Variants in LARP1 observed in about 807,000 individuals in gnomAD.
The protein encoded by LARP1 is La ribonucleoprotein 1, translational regulator, also known as la-related protein 1.
LARP1 carries 36 observed loss-of-function variants against 122.7 expected under a neutral mutation model. The ratio of observed to expected loss-of-function variants is 0.29; its 90% CI spans 0.22 to 0.39. The LOEUF (loss-of-function observed/expected upper bound fraction) is 0.39. Among genes scored for constraint, LARP1 ranks in the 10% least tolerant of loss-of-function variants. LARP1 has a pLI of 1.00. For missense variants in LARP1, 1,040 were observed against 1,403.6 expected (o/e 0.74, Z 4.14); for synonymous variants, 539 against 528.7 (o/e 1.02, Z -0.27).
In LARP1 at chr5:154,808,504, T is replaced by A; in HGVS notation, c.2744T>A (p.Leu915His). ...GIGQSQEMNT[L>H]FRFWSFFLRD... ...GGCCAGTCTCAGGAGATGAACACAC[T>A]CTTCCGCTTCTGGTCCTTCTTCCTC... Residue 915 changes from leucine to histidine, a missense_variant, in exon 16 of 19, where the codon CTC (leucine) becomes CAC (histidine). Physicochemically the swap from Leu to His is moderately conservative, Grantham distance 99 (BLOSUM62 -3). This residue lies in a region of LARP1 where 59 missense variants were observed against 137.2 expected (regional missense o/e 0.43). Transcript: ENST00000518297. 1 of 1,613,916 alleles carries A rather than the reference T, an allele frequency of 6.2e-7. No individual in the cohort carries two copies. Among genetic ancestry groups the A allele is most frequent in the Non-Finnish European group, 8.5e-7 (1 of 1,179,988 alleles).
At chr5:154,785,817 CCT>C (rs1174282508) in intron 1 of LARP1, among the ~76,000 whole-genome samples, 2 of 152,252 alleles carry the variant, frequency 1.3e-5, no homozygotes, top group East Asian at 3.9e-4. Flanking sequence ...GTTAGTAATT[CCT>C]CTCTGCCCTG....
chr5:154,762,920 C>G, intron 1 of LARP1, among the ~76,000 whole-genome samples: 1 of 152,116 alleles, frequency 6.6e-6, no homozygotes, highest in East Asian at 1.9e-4. Context: ...GGTTTTTGCT[C>G]TGCTTTTCAC....
chr5:154,695,142 C>T (rs1380697264), intron 1 of LARP1, among the ~76,000 whole-genome samples: 2 of 151,986 alleles, frequency 1.3e-5, no homozygotes, highest in Admixed American at 6.6e-5. Flanking sequence ...GGTGAAACCC[C>T]GTCTCTACTA....
chr5:154,753,413 C>T (rs1582284778), upstream of LARP1, among the ~76,000 whole-genome samples: 1 of 152,324 alleles, frequency 6.6e-6, no homozygotes, highest in South Asian at 2.1e-4. Flanking sequence ...AATGACTGCA[C>T]TCCAGCCTGG....
intron 14 of LARP1, chr5:154,805,634 G>C: frequency 2.3e-6 from 1 of 441,636 alleles, no homozygotes; most frequent in Non-Finnish European, 4.0e-6. Context: ...CCATTAAATA[G>C]TCTTATGACC....
rs1011239502 is a variant in LARP1 at position 154,816,593 on chromosome 5, GA to G, written c.*2498del. Reference sequence around the variant, plus strand: ...ACATGTTAGGAGTTAATGTTGCAAAGAGTAGTTTACATCTTCACTTTCTGAA... The same window carrying G: ...ACATGTTAGGAGTTAATGTTGCAAAGGTAGTTTACATCTTCACTTTCTGAA... On this transcript the variant is annotated 3_prime_UTR_variant, in exon 19 of 19. Coordinates refer to ENST00000518297, the MANE Select transcript of LARP1 (RefSeq NM_033551.3). 13 of 152,578 alleles carry G rather than the reference GA, an allele frequency of 8.5e-5. No homozygotes were observed. Among genetic ancestry groups the G allele is most frequent in the African/African-American group, 3.1e-4 (13 of 41,416 alleles). The allele number at this position is 152,578 out of a possible 1,614,324, so 9.5% of individuals were successfully genotyped here. A position where few individuals can be genotyped will look rare whatever the true frequency, so the allele number is the denominator to read the frequency against.
chr5:154,790,417 A>G (rs1318539428), intron 2 of LARP1, 31 bp downstream of exon 2: 1 of 1,601,108 alleles, frequency 6.2e-7, no homozygotes, highest in Admixed American at 1.7e-5. Context: ...ACCCAAGGGG[A>G]CTTTCTGGAG....
chr5:154,803,687 C>T lies in LARP1; in HGVS notation c.2381C>T (p.Ser794Leu), dbSNP rs1330339223. The T allele has an allele frequency of 6.2e-7, 1 of 1,614,206 alleles. No individual in the cohort carries two copies. The highest frequency in any genetic ancestry group is 8.5e-7 in the Non-Finnish European group (1 of 1,180,036). ...CCCCGGACACCACAGCTCAAAGACTCAAGCCAGACATCACGGTTTTACCCA... is the reference window on the plus strand; with the variant it reads ...CCCCGGACACCACAGCTCAAAGACTTAAGCCAGACATCACGGTTTTACCCA... ...RTPRTPQLKD[S>L]SQTSRFYPVV... The change falls in exon 13 of 19, where the codon TCA becomes TTA. Residue 794 changes from serine (S) to leucine (L), a missense_variant. Transcript: ENST00000518297. This position sits in a 1 kb window ranked among gnomAD's most constrained non-coding sequence, Gnocchi z 4.4.
At chr5:154,685,158 C>T (rs1054962968) in intron 1 of LARP1, among the ~76,000 whole-genome samples, 1 of 151,854 alleles carries the variant, frequency 6.6e-6, no homozygotes, top group African/African-American at 2.4e-5. Flanking sequence ...GCAGGAGAAT[C>T]ACTTGAACCC....
intron 1 of LARP1, among the ~76,000 whole-genome samples, chr5:154,695,487 T>A (rs1754427348): frequency 6.6e-6 from 1 of 151,466 alleles, no homozygotes; most frequent in African/African-American, 2.4e-5. Context: ...TGAAACCCCG[T>A]CTCTACTAAA....
At chr5:154,713,396 A>G (rs1455583537) in intron 1 of LARP1, among the ~76,000 whole-genome samples, 1 of 152,220 alleles carries the variant, frequency 6.6e-6, no homozygotes, top group Non-Finnish European at 1.5e-5. Flanking sequence ...CACCTGTTAC[A>G]TAATAATTTG....
intron 1 of LARP1, among the ~76,000 whole-genome samples, chr5:154,771,116 GAAA>G (rs572179099): frequency 9.3e-6 from 1 of 108,022 alleles, no homozygotes; most frequent in African/African-American, 3.2e-5. Context: ...TGTCTCAAAA[GAAA>G]AAAAAAAAAA....
intron 10 of LARP1, 138 bp from the exon 11 acceptor site, chr5:154,801,869 T>C (rs545803490): frequency 1.3e-6 from 1 of 744,168 alleles, no homozygotes; most frequent in African/African-American, 1.8e-5. Flanking sequence ...ATGACGCTTG[T>C]GACCTGCTGG....
intron 1 of LARP1, among the ~76,000 whole-genome samples, chr5:154,715,414 G>GCCA (rs951640061): frequency 1.3e-5 from 2 of 151,536 alleles, no homozygotes; most frequent in Non-Finnish European, 1.5e-5. Flanking sequence ...ACAGGCATGT[G>GCCA]CCACCACGCT....
chr5:154,690,667 A>C (rs6580104), intron 1 of LARP1, among the ~76,000 whole-genome samples: 115,353 of 152,050 alleles, frequency 0.76, 44,247 homozygotes, highest in African/African-American at 0.88. Context: ...GAGGCTTTGT[A>C]CCCCCAGCTG....
At chr5:154,769,312 C>A (rs1372532995) in intron 1 of LARP1, among the ~76,000 whole-genome samples, 1 of 152,166 alleles carries the variant, frequency 6.6e-6, no homozygotes, top group Non-Finnish European at 1.5e-5. Flanking sequence ...TCTTGTAGGC[C>A]CTTGAGTTTG....
rs953114968 is a variant in LARP1, at chr5:154,793,266, G to A, written c.740-329G>A. Among the ~76,000 whole-genome samples the A allele has an allele frequency of 5.3e-5, 8 of 152,176 alleles. No individual in the cohort carries two copies. The East Asian group carries it at 9.7e-4, about 18-fold the overall frequency. On this transcript the variant is annotated intron_variant, in intron 4 of 18. Coordinates refer to ENST00000518297, the MANE Select transcript of LARP1 (RefSeq NM_033551.3). ...AGTTGGTTACTTCAGCTTAGCTCTCGTAGGCAGTGTTTTGGCACCTGTCTA... is the reference window on the plus strand; with the variant it reads ...AGTTGGTTACTTCAGCTTAGCTCTCATAGGCAGTGTTTTGGCACCTGTCTA...
At chr5:154,795,858 TATATACATTTATATATAAA>T (rs1375443380) in intron 8 of LARP1, among the ~76,000 whole-genome samples, 17 of 134,752 alleles carry the variant, frequency 1.3e-4, no homozygotes, top group African/African-American at 3.6e-4. Context: ...ATATATATTT[TATATACATTTATATATAAA>T]ATATACATTT....
chr5:154,760,323 C>T (rs561966902), intron 1 of LARP1, among the ~76,000 whole-genome samples: 166 of 152,276 alleles, frequency 1.1e-3, no homozygotes, highest in African/African-American at 2.6e-3. Context: ...CCTGTTTCTT[C>T]GTCTGTAAAA....
Sources: allele counts gnomAD v4.1 joint callset (sites outside exome capture counted in the v4.1 genomes callset), GRCh38; gene constraint gnomAD v4.1.1; regional missense constraint gnomAD v4.1.1; non-coding constraint Gnocchi (gnomAD v3.1); transcripts MANE v1.5; gene names NCBI Gene and HGNC (gene_info 2026-07-23, HGNC 2026-07-21).